The following LSAMP variants were observed in gnomAD, a reference collection of about 807,000 sequenced individuals.
LSAMP encodes limbic system-associated membrane protein.
In LSAMP, 7 loss-of-function variants were observed where a neutral mutation model predicts 38.6. The observed-to-expected ratio is 0.18, with a 90% CI of 0.10 to 0.34. The LOEUF is 0.34. LSAMP is among the 10% of genes least tolerant of loss of function. The probability of loss-of-function intolerance (pLI) is 1.00; values close to 1 mark genes in which losing one functional copy is unlikely to be tolerated. For missense variants in LSAMP, 313 were observed against 420.0 expected, an observed-to-expected ratio of 0.75 and a Z score of 2.23; for synonymous variants, 154 against 166.8, an observed-to-expected ratio of 0.92 and a Z score of 0.59.
chr3:115,949,957 C>G (rs1938229021), intron 3 of LSAMP, among the ~76,000 whole-genome samples: 1 of 152,064 alleles, frequency 6.6e-6, no homozygotes, highest in Non-Finnish European at 1.5e-5. Flanking sequence ...AAATGTGATA[C>G]ATCACATAAA....
In LSAMP at chr3:116,041,803, A is replaced by AAC. The variant is rs1553762495; in HGVS notation, c.389-22164_389-22163insGT. 2.5e-3 allele frequency among the ~76,000 whole-genome samples: 371 copies of AAC among 147,168 alleles called. 7 individuals carry two copies. The highest frequency in any genetic ancestry group is 8.8e-3 in the African/African-American group (333 of 37,674). On this transcript the variant is annotated intron_variant, in intron 2 of 6. Transcript: ENST00000490035. ...AAAGTAAATGAAAGCATGCAAAAAA[A>AAC]AACAAAACAAAACAAAAAAAAAACA...
intron 1 of LSAMP, among the ~76,000 whole-genome samples, chr3:116,149,345 CA>C (rs1256323353): frequency 6.6e-6 from 1 of 151,906 alleles, no homozygotes; most frequent in Non-Finnish European, 1.5e-5. Context: ...ATTACAAATC[CA>C]AAAGGCTTGC....
chr3:116,389,046 A>T (rs1260246567), intron 1 of LSAMP, among the ~76,000 whole-genome samples: 2 of 152,204 alleles, frequency 1.3e-5, no homozygotes, highest in African/African-American at 4.8e-5. Flanking sequence ...CCAGTCAAGA[A>T]ACCCAAGTTC....
At chr3:116,443,958 T>A (rs1184579159) in intron 1 of LSAMP, among the ~76,000 whole-genome samples, 2 of 152,182 alleles carry the variant, frequency 1.3e-5, no homozygotes, top group African/African-American at 4.8e-5. Context: ...AGGTCTCATT[T>A]GAGTCTCTCT....
intron 1 of LSAMP, among the ~76,000 whole-genome samples, chr3:116,158,007 G>A (rs7629590): frequency 0.83 from 125,847 of 152,136 alleles, 52,394 homozygotes; most frequent in East Asian, 0.9. Context: ...TTAATCCACC[G>A]TGATCAAGTA....
intron 1 of LSAMP, among the ~76,000 whole-genome samples, chr3:116,301,252 A>G (rs2047405032): frequency 6.6e-6 from 1 of 152,228 alleles, no homozygotes; most frequent in East Asian, 1.9e-4. Context: ...CCAAGGCTGA[A>G]GAGTAGATCA....
chr3:116,082,922 AGATAACTACTG>A (rs1707903846), intron 2 of LSAMP, among the ~76,000 whole-genome samples: 1 of 152,206 alleles, frequency 6.6e-6, no homozygotes, highest in African/African-American at 2.4e-5. Flanking sequence ...GGATAAGCAA[AGATAACTACTG>A]GGTACTAAGC....
intron 1 of LSAMP, among the ~76,000 whole-genome samples, chr3:116,421,647 G>C (rs1319974468): frequency 6.6e-6 from 1 of 151,502 alleles, no homozygotes; most frequent in African/African-American, 2.4e-5. Context: ...CATTACAAAA[G>C]AAGACATACG....
chr3:116,342,260 CTT>C (rs1437566256), intron 1 of LSAMP, among the ~76,000 whole-genome samples: 2 of 151,914 alleles, frequency 1.3e-5, no homozygotes, highest in East Asian at 3.9e-4. Context: ...GTTTCAGTGC[CTT>C]TTTAAATACT....
intron 1 of LSAMP, among the ~76,000 whole-genome samples, chr3:116,248,651 C>T (rs1042068939): frequency 2.0e-5 from 3 of 152,118 alleles, no homozygotes; most frequent in East Asian, 1.9e-4. Flanking sequence ...CCAGGGCCAA[C>T]GTGCTTAATT....
chr3:116,287,570 A>T (rs778493143), intron 1 of LSAMP, among the ~76,000 whole-genome samples: 11 of 152,196 alleles, frequency 7.2e-5, no homozygotes, highest in Non-Finnish European at 1.2e-4. Flanking sequence ...CAAAAAGGTA[A>T]AGAGTAAAAT....
chr3:115,852,903 G>T (rs1441649710), intron 3 of LSAMP, among the ~76,000 whole-genome samples: 4 of 152,148 alleles, frequency 2.6e-5, no homozygotes, highest in African/African-American at 9.7e-5. Flanking sequence ...CCCACAGAGA[G>T]CAACTGTGGC....
At chr3:116,177,748 G>A (rs540798942) in intron 1 of LSAMP, among the ~76,000 whole-genome samples, 124 of 152,210 alleles carry the variant, frequency 8.1e-4, no homozygotes, top group African/African-American at 2.7e-3. Flanking sequence ...TGAGATTGCC[G>A]TCAAACTCAG....
intron 1 of LSAMP, among the ~76,000 whole-genome samples, chr3:116,273,192 A>G (rs1410908448): frequency 1.3e-5 from 2 of 151,996 alleles, no homozygotes; most frequent in African/African-American, 2.4e-5. Context: ...TATCAATCCT[A>G]TCTCCACCTC....
At chr3:116,121,479 T>C (rs1409351217) in intron 1 of LSAMP, among the ~76,000 whole-genome samples, 1 of 152,234 alleles carries the variant, frequency 6.6e-6, no homozygotes, top group East Asian at 1.9e-4. Context: ...GTAATTAAGA[T>C]ACTGGCAATG....
At chr3:116,381,975 T>C (rs930064737) in intron 1 of LSAMP, among the ~76,000 whole-genome samples, 1 of 152,136 alleles carries the variant, frequency 6.6e-6, no homozygotes, top group Non-Finnish European at 1.5e-5. Context: ...AAAAATAGTT[T>C]TTATATTTGA....
At chr3:115,818,792 A>T (rs1286917860) in intron 6 of LSAMP, among the ~76,000 whole-genome samples, 4 of 32,194 alleles carry the variant, frequency 1.2e-4, no homozygotes, top group East Asian at 8.4e-4. Flanking sequence ...TTGTACTTTT[A>T]TATATATATA....
At chr3:116,010,787 C>T (rs1365892123) in intron 3 of LSAMP, among the ~76,000 whole-genome samples, 1 of 152,174 alleles carries the variant, frequency 6.6e-6, no homozygotes, top group Non-Finnish European at 1.5e-5. Context: ...GGCTTAAGTT[C>T]TATAATTCTA....
At chr3:116,146,400 T>C (rs1329412838) in intron 1 of LSAMP, among the ~76,000 whole-genome samples, 1 of 151,964 alleles carries the variant, frequency 6.6e-6, no homozygotes, top group African/African-American at 2.4e-5. Context: ...GCTATTAGCA[T>C]GACTAAAGTA....
Sources: gnomAD v4.1 joint callset for allele counts (sites outside exome capture counted in the v4.1 genomes callset) on GRCh38, gnomAD v4.1.1 for gene constraint, MANE v1.5 for transcripts, NCBI Gene and HGNC (gene_info 2026-07-23, HGNC 2026-07-21) for gene names.